Variants in TSR1 observed in about 807,000 individuals in gnomAD.
The protein encoded by TSR1 is pre-rRNA-processing protein TSR1 homolog.
In TSR1, 81 loss-of-function variants were observed where a neutral mutation model predicts 90.9. That is an observed-to-expected ratio of 0.89 (90% CI 0.74 to 1.07). The LOEUF is 1.07. Among genes scored for constraint, TSR1 ranks in the 50% least tolerant of loss-of-function variants. The probability of loss-of-function intolerance (pLI) is 0.00; values close to 1 mark genes in which losing one functional copy is unlikely to be tolerated. For missense variants in TSR1, 989 were observed against 987.3 expected, an observed-to-expected ratio of 1.00 and a Z score of -0.02; for synonymous variants, 362 against 348.8, an observed-to-expected ratio of 1.04 and a Z score of -0.42.
At chr17:2,335,090 A>G (rs2064042784) in intron 4 of TSR1, among the ~76,000 whole-genome samples, 170 bp downstream of exon 4, 1 of 152,218 alleles carries the variant, frequency 6.6e-6, no homozygotes, top group Non-Finnish European at 1.5e-5. Context: ...AGGACAGCCA[A>G]AAACAAAAAG....
intron 11 of TSR1, among the ~76,000 whole-genome samples, chr17:2,328,078 A>G (rs578137714): frequency 6.6e-6 from 1 of 151,920 alleles, no homozygotes; most frequent in Non-Finnish European, 1.5e-5. Flanking sequence ...CCCCGTCTCT[A>G]CTAAAAATAC....
Position 2,324,179 on chromosome 17 carries a change from G to GA in TSR1, c.*16dup. 1 of 1,514,586 alleles carries GA rather than the reference G, an allele frequency of 6.6e-7. No individual in the cohort carries two copies. The highest frequency in any genetic ancestry group is 8.8e-7 in the Non-Finnish European group (1 of 1,136,180). The allele number at this position is 1,514,586 out of a possible 1,614,324, so 93.8% of individuals were successfully genotyped here. ...AGTACTGACTGGCACCGGTAAGACA[G>GA]AATCTCTTTGAATCCATTACTCCAT... On this transcript the variant is annotated 3_prime_UTR_variant, in exon 15 of 15. Transcript: ENST00000301364.
intron 6 of TSR1, 121 bp from the exon 7 acceptor site, chr17:2,333,245 TAAATAGAACTACTTCCA>T: frequency 5.2e-6 from 6 of 1,146,766 alleles, no homozygotes; most frequent in Non-Finnish European, 7.7e-6. Flanking sequence ...GCAGACACTG[TAAATAGAACTACTTCCA>T]AATTTAATTC....
Position 2,330,949 on chromosome 17 carries a change from C to T in TSR1, c.1657G>A (p.Glu553Lys), listed in dbSNP as rs149454557. The T allele has an allele frequency of 6.3e-7, 1 of 1,584,680 alleles. No homozygotes were observed. Among genetic ancestry groups the T allele is most frequent in the Non-Finnish European group, 8.5e-7 (1 of 1,170,560 alleles). Residue 553 changes from glutamate to lysine, a missense_variant and splice_region_variant, in exon 9 of 15, where the codon GAG becomes AAG. Glu to Lys is a moderately conservative substitution (Grantham distance 56). Transcript: ENST00000301364. ...AGATGAACAAGGAGGATAGATACCT[C>T]AGCTCCTTCAACCTCTTTTTCTTCA... ...EVEEKEVEGAEVGWYVTLHVS... is the reference protein window; with the variant it reads ...EVEEKEVEGAKVGWYVTLHVS...
intron 4 of TSR1, 95 bp downstream of exon 4, chr17:2,335,165 C>A (rs145509923): frequency 1.5e-6 from 2 of 1,339,792 alleles, no homozygotes; most frequent in Non-Finnish European, 2.1e-6. Context: ...ATCCCACCAC[C>A]AGCTGAATAT....
chr17:2,330,545 A>C lies in TSR1; in HGVS notation c.1740T>G (p.Ile580Met). The C allele has an allele frequency of 6.2e-7, 1 of 1,614,056 alleles. No individual in the cohort carries two copies. The highest frequency in any genetic ancestry group is 8.5e-7 in the Non-Finnish European group (1 of 1,179,980). The change falls in exon 10 of 15, where the codon ATT (isoleucine) becomes ATG (methionine). Residue 580 changes from isoleucine to methionine, a missense_variant. By Grantham distance (10) the Ile-to-Met change is conservative. Transcript: ENST00000301364. ...VECFRQGTPL[I>M]AFSLLPHEQK... ...GTTCATGAGGTAGTAAAGAAAATGC[A>C]ATCAAGGGTGTTCCTTGCCTGAAGC...
intron 2 of TSR1, 23 bp downstream of exon 2, chr17:2,336,014 C>T (rs776406766): frequency 1.2e-6 from 2 of 1,612,122 alleles, no homozygotes; most frequent in Non-Finnish European, 1.7e-6. Flanking sequence ...AAGCCGCATT[C>T]TCCCAAATCC....
intron 7 of TSR1, 103 bp from the exon 8 acceptor site, chr17:2,332,462 C>T: frequency 1.0e-6 from 1 of 984,968 alleles, no homozygotes; most frequent in Non-Finnish European, 1.5e-6. Flanking sequence ...TCCCTATTCC[C>T]AACCAACATA....
In TSR1 at chr17:2,324,230, A is replaced by T; in HGVS notation, c.2381T>A (p.Ile794Asn). ...GCCCCCTTGAGGCACTGTTGAAGAA[A>T]TCTCACTTTTCAGCCAGGGTACTGG... The part of the protein sequence containing the change: ...PEPVPWLKSE[I>N]SSTVPQGGME Residue 794 changes from isoleucine to asparagine, a missense_variant, in exon 15 of 15, where the codon ATT becomes AAT. Physicochemically the swap from Ile to Asn is moderately radical, Grantham distance 149 (BLOSUM62 -3). Coordinates refer to ENST00000301364, the MANE Select transcript of TSR1 (RefSeq NM_018128.5). 1 of 1,528,680 alleles carries T rather than the reference A, an allele frequency of 6.5e-7. No homozygotes were observed. Among genetic ancestry groups the T allele is most frequent in the Non-Finnish European group, 8.7e-7 (1 of 1,144,510 alleles). The allele number at this position is 1,528,680 out of a possible 1,614,324, so 94.7% of individuals were successfully genotyped here.
rs779697164 is a variant in TSR1, at chr17:2,324,492, G to A, written c.2236+12C>T. 20 of 1,614,152 alleles carry A rather than the reference G, an allele frequency of 1.2e-5. No individual in the cohort carries two copies. Among genetic ancestry groups the A allele is most frequent in the East Asian group, 4.5e-5 (2 of 44,888 alleles). On this transcript the variant is annotated intron_variant, in intron 14 of 14. Coordinates refer to ENST00000301364, the MANE Select transcript of TSR1 (RefSeq NM_018128.5). ...AAATGCAGACATGGTCTCAAATCCC[G>A]TGTTTCCTTACCTAAAGGTTCCTTG...
chr17:2,331,755 C>A (rs2064005229), intron 8 of TSR1, among the ~76,000 whole-genome samples: 1 of 152,138 alleles, frequency 6.6e-6, no homozygotes, highest in Non-Finnish European at 1.5e-5. Context: ...CATAGCCTTA[C>A]CTCCTAATAT....
At chr17:2,335,812 C>T (rs1165112761) in intron 2 of TSR1, 82 bp from the exon 3 acceptor site, 24 of 1,462,866 alleles carry the variant, frequency 1.6e-5, no homozygotes, top group Non-Finnish European at 2.2e-5. Context: ...CACAGATGCT[C>T]CCCCTACCCA....
In TSR1 at chr17:2,323,421, G is replaced by T. The variant is rs1032566917; in HGVS notation, c.*775C>A. 4.7e-5 allele frequency: 72 copies of T among 1,546,146 alleles called. No homozygotes were observed. The highest frequency in any genetic ancestry group is 6.3e-5 in the Non-Finnish European group (71 of 1,124,080). ...GCAGAAGAAACTTCCCTTAGGAGTA[G>T]CAAGTGACCCACGGGAACCTGACTA... is the stretch of plus-strand genomic sequence containing the variant. On this transcript the variant is annotated 3_prime_UTR_variant, in exon 15 of 15. Coordinates refer to ENST00000301364, the MANE Select transcript of TSR1 (RefSeq NM_018128.5).
intron 11 of TSR1, among the ~76,000 whole-genome samples, chr17:2,328,732 C>T (rs1237384784): frequency 2.7e-5 from 4 of 150,732 alleles, no homozygotes; most frequent in African/African-American, 4.9e-5. Context: ...CTGGCTAACA[C>T]GGTGAAACCC....
Position 2,329,458 on chromosome 17 carries a change from C to A in TSR1, c.1788G>T (p.Met596Ile). 6.2e-7 allele frequency: 1 copy of A among 1,614,146 alleles called. No homozygotes were observed. The highest frequency in any genetic ancestry group is 2.2e-5 in the East Asian group (1 of 44,886). Residue 596 changes from methionine (M) to isoleucine (I), a missense_variant, in exon 11 of 15, where the codon ATG becomes ATT. Transcript: ENST00000301364. ...PHEQKMSVLN[M>I]VVRRDPGNTE... is the part of the protein sequence containing the mutation. ...TGTTGCCAGGGTCACGCCTCACCAC[C>A]ATATTCAATACTGACATCTGGGGAC...
rs2075565081 is a variant in TSR1 at position 2,324,786 on chromosome 17, A to G, written c.2064T>C (p.Asp688=). 2 of 1,614,144 alleles carry G rather than the reference A, an allele frequency of 1.2e-6. No individual in the cohort carries two copies. Among genetic ancestry groups the G allele is most frequent in the African/African-American group, 2.7e-5 (2 of 75,062 alleles). Residue 688 remains aspartate, a synonymous_variant, in exon 13 of 15, where the codon GAT becomes GAC. Transcript: ENST00000301364. The part of the protein sequence containing the change: ...LIATGHLMSV[D]PDRMVIKRVV... ...CTCTCTTGATGACCATTCTGTCTGG[A>G]TCTACTGACATAAGATGGCCTGTAG...
chr17:2,334,996 A>T, intron 4 of TSR1, 100 bp from the exon 5 acceptor site: 1 of 1,312,384 alleles, frequency 7.6e-7, no homozygotes, highest in Non-Finnish European at 1.0e-6. Flanking sequence ...GCAAGCCCAG[A>T]GATCACTGGG....
In TSR1 at chr17:2,323,045, G is replaced by A; in HGVS notation, c.*1151C>T. The A allele has an allele frequency of 1.5e-6, 2 of 1,361,196 alleles. No individual in the cohort carries two copies. The highest frequency in any genetic ancestry group is 2.3e-5 in the East Asian group (1 of 43,308). 84.3% of individuals were successfully genotyped at this position (1,361,196 alleles called of 1,614,324 possible). ...CTCCCAAAGTGTTGGGATTACAGGT[G>A]TGAGCCACCACACCAGGCCCATATT... is the stretch of plus-strand genomic sequence containing the variant. On this transcript the variant is annotated 3_prime_UTR_variant, in exon 15 of 15. Coordinates refer to ENST00000301364, the MANE Select transcript of TSR1 (RefSeq NM_018128.5).
At position 2,323,406 on chromosome 17, in the gene TSR1, C is replaced by A. The variant is rs2075550968; in HGVS notation, c.*790G>T. On this transcript the variant is annotated 3_prime_UTR_variant, in exon 15 of 15. Coordinates refer to ENST00000301364, the MANE Select transcript of TSR1 (RefSeq NM_018128.5). ...GGTGTAACTTCTTAGGCAGAAGAAA[C>A]TTCCCTTAGGAGTAGCAAGTGACCC... 6 of 1,594,974 alleles carry A rather than the reference C, an allele frequency of 3.8e-6. No homozygotes were observed. The highest frequency in any genetic ancestry group is 4.3e-6 in the Non-Finnish European group (5 of 1,164,658).
Sources: allele counts gnomAD v4.1 joint callset (sites outside exome capture counted in the v4.1 genomes callset), GRCh38; gene constraint gnomAD v4.1.1; transcripts MANE v1.5; gene names NCBI Gene and HGNC (gene_info 2026-07-23, HGNC 2026-07-21).